Variants in DNAJC3 observed in about 807,000 individuals in gnomAD.
DNAJC3 encodes dnaJ homolog subfamily C member 3.
A neutral mutation model predicts 68.6 loss-of-function variants in DNAJC3; 38 were observed. That is an observed-to-expected ratio of 0.55 (90% confidence interval 0.43 to 0.73). DNAJC3 has a LOEUF of 0.73. DNAJC3 is among the 30% of genes least tolerant of loss of function. The probability of loss-of-function intolerance (pLI) is 0.00; values close to 1 mark genes in which losing one functional copy is unlikely to be tolerated. For synonymous variants in DNAJC3, 203 were observed against 204.0 expected, an observed-to-expected ratio of 1.00 and a Z score of 0.04; for missense variants, 526 against 591.9, an observed-to-expected ratio of 0.89 and a Z score of 1.16.
intron 9 of DNAJC3, 113 bp from the exon 10 acceptor site, chr13:95,785,826 C>A: frequency 3.0e-6 from 3 of 997,102 alleles, no homozygotes; most frequent in East Asian, 3.0e-5. Context: ...GCAATAATGG[C>A]CAAAGAGTGA....
intron 4 of DNAJC3, among the ~76,000 whole-genome samples, chr13:95,731,804 G>C (rs1269682831): frequency 6.6e-6 from 1 of 151,894 alleles, no homozygotes; most frequent in Non-Finnish European, 1.5e-5. Flanking sequence ...GTGCAGACAT[G>C]ACTCACTGCA....
intron 2 of DNAJC3, among the ~76,000 whole-genome samples, chr13:95,715,425 A>G (rs988374169): frequency 1.3e-5 from 2 of 151,930 alleles, no homozygotes; most frequent in African/African-American, 2.4e-5. Context: ...ATTTTGTTCA[A>G]TGTGATCTGG....
At chr13:95,789,162 T>G (rs1471805016) in intron 11 of DNAJC3, among the ~76,000 whole-genome samples, 4 of 151,494 alleles carry the variant, frequency 2.6e-5, no homozygotes, top group African/African-American at 9.7e-5. Context: ...GTCTTTTTAT[T>G]TTTTTTTTGT....
chr13:95,780,081 C>T (rs1883407986), intron 9 of DNAJC3, among the ~76,000 whole-genome samples: 1 of 152,140 alleles, frequency 6.6e-6, no homozygotes, highest in Non-Finnish European at 1.5e-5. Flanking sequence ...TCGCAGTACT[C>T]TCTGCTTCAC....
At chr13:95,742,541 CACTT>C (rs1477586249) in intron 4 of DNAJC3, 14 of 429,006 alleles carry the variant, frequency 3.3e-5, no homozygotes, top group Middle Eastern at 1.0e-3. Flanking sequence ...TGCTGGGGGT[CACTT>C]ACTTACTTTT....
intron 1 of DNAJC3, among the ~76,000 whole-genome samples, chr13:95,698,587 T>G (rs1043799209): frequency 2.0e-5 from 3 of 152,208 alleles, no homozygotes; most frequent in African/African-American, 7.2e-5. Context: ...CTCGTGACTC[T>G]CAGTGCAGAT....
At chr13:95,678,347 ATTC>A (rs1879823360) in intron 1 of DNAJC3, among the ~76,000 whole-genome samples, 2 of 152,152 alleles carry the variant, frequency 1.3e-5, no homozygotes, top group South Asian at 2.1e-4. Context: ...TTTATAGTGA[ATTC>A]TTCTGAAAGT....
intron 1 of DNAJC3, among the ~76,000 whole-genome samples, chr13:95,690,594 G>T (rs1247652590): frequency 2.0e-5 from 3 of 150,772 alleles, no homozygotes; most frequent in African/African-American, 7.3e-5. Context: ...TCCCGGACGG[G>T]GCGACTGGCC....
At position 95,790,912 on chromosome 13, in the gene DNAJC3, A is replaced by G. The variant is rs1466322871; in HGVS notation, c.1397A>G (p.Asp466Gly). Residue 466 changes from aspartate (D) to glycine (G), a missense_variant, in exon 12 of 12, where the codon GAT becomes GGT. Transcript: ENST00000602402. ...TTTGACGACGGAGAAGATCCTTTGG[A>G]TGCAGAGAGCCAGCAAGGAGGCGGC... Reference protein sequence around the residue: ...KKFDDGEDPLDAESQQGGGGN... With the variant: ...KKFDDGEDPLGAESQQGGGGN... 1.2e-6 allele frequency: 2 copies of G among 1,606,944 alleles called. No homozygotes were observed. Among genetic ancestry groups the G allele is most frequent in the East Asian group, 4.5e-5 (2 of 44,834 alleles).
chr13:95,716,283 A>G (rs1593974490), intron 2 of DNAJC3, among the ~76,000 whole-genome samples: 1 of 152,192 alleles, frequency 6.6e-6, no homozygotes, highest in Non-Finnish European at 1.5e-5. Flanking sequence ...TCGGGGCCCC[A>G]CTGCTCAGAC....
rs1204773799 is a variant in DNAJC3 at position 95,754,086 on chromosome 13, CA to C, written c.394-3557del. On this transcript the variant is annotated intron_variant, in intron 4 of 11. Transcript: ENST00000602402. ...AGTAACACACATTTATATGATTTCA[CA>C]GTTTATGGGGTTAGGAATCTGGCCA... is the stretch of plus-strand genomic sequence containing the variant. 2.0e-5 allele frequency among the ~76,000 whole-genome samples: 3 copies of C among 152,192 alleles called. No individual in the cohort carries two copies. The East Asian group carries it at 5.8e-4, about 29-fold the overall frequency.
intron 4 of DNAJC3, among the ~76,000 whole-genome samples, chr13:95,746,189 A>G (rs1375781011): frequency 1.3e-5 from 2 of 152,248 alleles, no homozygotes; most frequent in Non-Finnish European, 2.9e-5. Flanking sequence ...ATATGGGCAC[A>G]GGTCTCAACT....
intron 1 of DNAJC3, among the ~76,000 whole-genome samples, chr13:95,690,765 G>A (rs1880215689): frequency 6.8e-6 from 1 of 147,014 alleles, no homozygotes; most frequent in Non-Finnish European, 1.5e-5. Context: ...TCACTTTCCG[G>A]ATGGGGTGGC....
chr13:95,741,594 TGG>T (rs1882146696), intron 4 of DNAJC3, among the ~76,000 whole-genome samples: 1 of 151,864 alleles, frequency 6.6e-6, no homozygotes, highest in African/African-American at 2.4e-5. Context: ...ATTGGACAGG[TGG>T]GTGGGTCCGT....
At chr13:95,736,671 G>C (rs1264765101) in intron 4 of DNAJC3, among the ~76,000 whole-genome samples, 1 of 151,228 alleles carries the variant, frequency 6.6e-6, no homozygotes, top group Non-Finnish European at 1.5e-5. Context: ...CATTGATTTT[G>C]TATCCTGAGA....
chr13:95,742,830 T>C lies in DNAJC3; in HGVS notation c.394-14814T>C, dbSNP rs771229459. On this transcript the variant is annotated intron_variant, in intron 4 of 11. Transcript: ENST00000602402. The stretch of plus-strand genomic sequence containing the variant: ...TTTTTACTTCTGTGGACTGTGCGTT[T>C]GGTGTCATGTCTAAGAAGTATTCAC... 9.6e-6 allele frequency: 5 copies of C among 519,040 alleles called. No homozygotes were observed. The Admixed American group carries it at 9.7e-5, about 10-fold the overall frequency. The allele number at this position is 519,040 out of a possible 1,614,324, so 32.2% of individuals were successfully genotyped here. A position where few individuals can be genotyped will look rare whatever the true frequency, so the allele number is the denominator to read the frequency against.
Position 95,677,291 on chromosome 13 carries a change from C to T in DNAJC3, c.36C>T (p.Gly12=). 1 of 1,601,304 alleles carries T rather than the reference C, an allele frequency of 6.2e-7. No homozygotes were observed. The highest frequency in any genetic ancestry group is 8.5e-7 in the Non-Finnish European group (1 of 1,175,100). The stretch of plus-strand genomic sequence containing the variant: ...CCGGCTCCGTGACCAGCCGGCTGGG[C>T]TCGGTATTCCCCTTCCTGCTAGTCC... ...VAPGSVTSRL[G]SVFPFLLVLV... Residue 12 remains glycine (G), a synonymous_variant, in exon 1 of 12, where the codon GGC becomes GGT. Transcript: ENST00000602402.
Position 95,774,730 on chromosome 13 carries a change from C to A in DNAJC3, c.1075+10777C>A, listed in dbSNP as rs150365993. On this transcript the variant is annotated intron_variant, in intron 9 of 11. Transcript: ENST00000602402. ...TTACTTTTATTCTTACTCAGTGTTC[C>A]TGTTGATCACTGGCAATACTCTTTT... Among the ~76,000 whole-genome samples the A allele has an allele frequency of 4.0e-3, 616 of 152,228 alleles. 2 individuals are homozygous for A. The highest frequency in any genetic ancestry group is 0.014 in the African/African-American group (593 of 41,530).
intron 4 of DNAJC3, among the ~76,000 whole-genome samples, chr13:95,751,198 T>TGA (rs1295401310): frequency 1.3e-5 from 2 of 152,218 alleles, no homozygotes. Context: ...ATCATGCTCC[T>TGA]GCACTCCAGC....
Sources: gnomAD v4.1 joint callset for allele counts (sites outside exome capture counted in the v4.1 genomes callset) on GRCh38, gnomAD v4.1.1 for gene constraint, MANE v1.5 for transcripts, NCBI Gene and HGNC (gene_info 2026-07-23, HGNC 2026-07-21) for gene names.